The following SSX2IP variants were observed in gnomAD, a reference collection of about 807,000 sequenced individuals.
SSX2IP encodes SSX family member 2 interacting protein.
A neutral mutation model predicts 84.9 loss-of-function variants in SSX2IP; 55 were observed. That is an observed-to-expected ratio of 0.65 (90% CI 0.52 to 0.81). The LOEUF (loss-of-function observed/expected upper bound fraction) is 0.81. SSX2IP is among the 30% of genes least tolerant of loss of function. SSX2IP has a pLI of 0.00. For synonymous variants in SSX2IP, 239 were observed against 234.7 expected (o/e 1.02, Z -0.17); for missense variants, 664 against 705.2 (o/e 0.94, Z 0.66).
intron 3 of SSX2IP, 37 bp from the exon 4 acceptor site, chr1:84,669,930 G>A (rs1400533840): frequency 6.6e-7 from 1 of 1,506,416 alleles, no homozygotes; most frequent in Non-Finnish European, 9.2e-7. Context: ...GTTGGTTACA[G>A]TTGAGGAGAT....
chr1:84,678,712 T>C (rs1338761668), intron 1 of SSX2IP, among the ~76,000 whole-genome samples: 1 of 152,220 alleles, frequency 6.6e-6, no homozygotes, highest in African/African-American at 2.4e-5. Flanking sequence ...TTACTCTCAA[T>C]TCCCATTTGT....
chr1:84,677,362 T>A (rs773639724), intron 1 of SSX2IP, among the ~76,000 whole-genome samples: 11 of 152,198 alleles, frequency 7.2e-5, no homozygotes, highest in Non-Finnish European at 1.3e-4. Context: ...TTTTTCTGGT[T>A]AATCACATCT....
At chr1:84,672,971 C>A (rs1212677259) in intron 1 of SSX2IP, among the ~76,000 whole-genome samples, 1 of 152,136 alleles carries the variant, frequency 6.6e-6, no homozygotes. Context: ...TTACACTGAG[C>A]TGAGATCGTG....
At chr1:84,659,071 G>A (rs1356291102) in intron 8 of SSX2IP, among the ~76,000 whole-genome samples, 1 of 152,074 alleles carries the variant, frequency 6.6e-6, no homozygotes, top group African/African-American at 2.4e-5. Context: ...TAAAGAACAT[G>A]GGGAAACAAT....
intron 13 of SSX2IP, among the ~76,000 whole-genome samples, chr1:84,648,460 A>G (rs965808206): frequency 6.6e-6 from 1 of 152,186 alleles, no homozygotes; most frequent in African/African-American, 2.4e-5. Context: ...AAATGTTTTT[A>G]AGTGCTTTAC....
At chr1:84,648,939 T>TCC (rs1431566465) in intron 13 of SSX2IP, among the ~76,000 whole-genome samples, 1 of 152,320 alleles carries the variant, frequency 6.6e-6, no homozygotes, top group East Asian at 1.9e-4. Flanking sequence ...CAATAGTGCC[T>TCC]CCTAACTGGA....
chr1:84,654,773 T>C (rs1650826570), intron 11 of SSX2IP, among the ~76,000 whole-genome samples: 1 of 152,146 alleles, frequency 6.6e-6, no homozygotes, highest in Non-Finnish European at 1.5e-5. Flanking sequence ...TCTTTCCTGG[T>C]TTTCCAACTT....
At chr1:84,677,939 C>T (rs1654595329) in intron 1 of SSX2IP, among the ~76,000 whole-genome samples, 1 of 152,290 alleles carries the variant, frequency 6.6e-6, no homozygotes, top group East Asian at 1.9e-4. Context: ...CTCATCTGTT[C>T]TAAGCTGGCT....
rs117423260 is a variant in SSX2IP, at chr1:84,665,648, T to C, written c.537+474A>G. 1.4e-3 allele frequency among the ~76,000 whole-genome samples: 218 copies of C among 152,302 alleles called. No homozygotes were observed. In the East Asian group the frequency reaches 0.019, roughly 13 times the overall value. On this transcript the variant is annotated intron_variant, in intron 5 of 13. Coordinates refer to ENST00000342203, the MANE Select transcript of SSX2IP (RefSeq NM_001166293.2). ...CTAAAGCAGAAATCAGAATTGTATC[T>C]TTTGTGTCAGAAATTAGATTTTTAA...
chr1:84,670,811 G>C lies in SSX2IP; in HGVS notation c.48C>G (p.Ser16Arg). Residue 16 changes from serine (S) to arginine (R), a missense_variant, in exon 3 of 14, where the codon AGC becomes AGG. By Grantham distance (110) the Ser-to-Arg change is moderately radical. Transcript: ENST00000342203. ...CTGAGGTATATTGAGAGATAGTTTT[G>C]CTTTCTGAAAGAATAAAAGGCATCT... Reference protein sequence around the residue: ...TVTDPGLSSESKTISQYTSET... With the variant: ...TVTDPGLSSERKTISQYTSET... 1 of 1,601,774 alleles carries C rather than the reference G, an allele frequency of 6.2e-7. No individual in the cohort carries two copies. Among genetic ancestry groups the C allele is most frequent in the Non-Finnish European group, 8.5e-7 (1 of 1,175,244 alleles).
chr1:84,676,757 C>CT (rs1229481304), intron 1 of SSX2IP, among the ~76,000 whole-genome samples: 1 of 123,344 alleles, frequency 8.1e-6, no homozygotes, highest in African/African-American at 3.2e-5. Context: ...GAGTCTCGCT[C>CT]TGTCACCCAG....
chr1:84,670,061 A>G, intron 3 of SSX2IP, 168 bp from the exon 4 acceptor site: 1 of 550,846 alleles, frequency 1.8e-6, no homozygotes, highest in Non-Finnish European at 3.2e-6. Context: ...CTGAGCAAGT[A>G]AATTCTCACC....
intron 4 of SSX2IP, among the ~76,000 whole-genome samples, chr1:84,668,780 G>A (rs140330712): frequency 9.4e-4 from 143 of 152,082 alleles, no homozygotes; most frequent in African/African-American, 3.2e-3. Context: ...CTTAGATGGC[G>A]TGGGGTGGGG....
intron 3 of SSX2IP, 23 bp downstream of exon 3, chr1:84,670,623 T>C (rs1653436585): frequency 6.6e-7 from 1 of 1,517,012 alleles, no homozygotes; most frequent in Non-Finnish European, 9.0e-7. Context: ...TTTATGCTAC[T>C]GTTTTTTACA....
At chr1:84,652,853 G>A (rs1327627283) in intron 11 of SSX2IP, among the ~76,000 whole-genome samples, 17 of 151,276 alleles carry the variant, frequency 1.1e-4, no homozygotes, top group Non-Finnish European at 7.4e-5. Flanking sequence ...GTGAAACCCC[G>A]TCTCTACTAA....
chr1:84,690,490 G>GGAGGAGGCCC (rs1557545445), upstream of SSX2IP: 5 of 151,620 alleles, frequency 3.3e-5, no homozygotes, highest in Non-Finnish European at 5.9e-5. Context: ...TCCGCTGCGG[G>GGAGGAGGCCC]CTCCCGCCTT....
intron 1 of SSX2IP, among the ~76,000 whole-genome samples, chr1:84,686,439 G>A (rs189838221): frequency 3.6e-4 from 55 of 152,284 alleles, no homozygotes; most frequent in African/African-American, 1.2e-3. Context: ...TTTAGATAAA[G>A]GGAACAGAGG....
At chr1:84,651,833 T>C in intron 12 of SSX2IP, 50 bp downstream of exon 12, 1 of 1,132,910 alleles carries the variant, frequency 8.8e-7, no homozygotes, top group Non-Finnish European at 1.3e-6. Context: ...AATATGTAAA[T>C]AATTTTATTT....
At chr1:84,650,874 T>G (rs1350291240) in intron 12 of SSX2IP, among the ~76,000 whole-genome samples, 7 of 152,034 alleles carry the variant, frequency 4.6e-5, no homozygotes. Flanking sequence ...CTGGCTAATT[T>G]TTTTGTATTT....
Sources: allele counts gnomAD v4.1 joint callset (sites outside exome capture counted in the v4.1 genomes callset), GRCh38; gene constraint gnomAD v4.1.1; transcripts MANE v1.5; gene names NCBI Gene and HGNC (gene_info 2026-07-23, HGNC 2026-07-21).